The following ABI3BP variants were observed in gnomAD, a reference collection of about 807,000 sequenced individuals.
ABI3BP encodes ABI family member 3 binding protein.
In ABI3BP, 216 loss-of-function variants were observed where a neutral mutation model predicts 268.6. The observed-to-expected ratio is 0.80, with a 90% CI of 0.72 to 0.90. The LOEUF (loss-of-function observed/expected upper bound fraction) is 0.90, where lower values mean the gene tolerates loss of function less well. ABI3BP is among the 40% of genes least tolerant of loss of function. The probability of loss-of-function intolerance (pLI) is 0.00; values close to 1 mark genes in which losing one functional copy is unlikely to be tolerated. For missense variants in ABI3BP, 2,090 were observed against 2,182.4 expected (o/e 0.96, Z 0.84); for synonymous variants, 730 against 730.0 (o/e 1.00, Z 0.00).
chr3:100,794,064 A>G (rs1220324664), intron 54 of ABI3BP, among the ~76,000 whole-genome samples: 1 of 152,066 alleles, frequency 6.6e-6, no homozygotes, highest in Non-Finnish European at 1.5e-5. Context: ...GTAACTTCAA[A>G]GAACCATTTG....
In ABI3BP at chr3:100,812,617, G is replaced by C. The variant is rs1379575734; in HGVS notation, c.3365-94C>G. On this transcript the variant is annotated intron_variant, in intron 45 of 67. Coordinates refer to ENST00000471714, the MANE Select transcript of ABI3BP (RefSeq NM_001375547.2). ...ATCCAGTAAGTGTTCAATGTTAACT[G>C]TTATAGGGTAACAACATTATTAACA... 6 of 711,822 alleles carry C rather than the reference G, an allele frequency of 8.4e-6. No individual in the cohort carries two copies. The East Asian group carries it at 2.0e-4, about 24-fold the overall frequency. 44.1% of individuals were successfully genotyped at this position (711,822 alleles called of 1,614,324 possible).
chr3:100,875,393 A>G (rs2099151240), intron 8 of ABI3BP, 115 bp downstream of exon 8: 1 of 772,356 alleles, frequency 1.3e-6, no homozygotes, highest in South Asian at 1.6e-5. Context: ...AGTGAAAGGA[A>G]GTGAACCACA....
chr3:100,848,756 G>T, intron 18 of ABI3BP, 45 bp downstream of exon 18: 1 of 1,562,760 alleles, frequency 6.4e-7, no homozygotes, highest in Non-Finnish European at 8.8e-7. Context: ...AATGGACATT[G>T]TCTATCTGGA....
chr3:100,765,195 A>C (rs918406545), intron 63 of ABI3BP, among the ~76,000 whole-genome samples: 1 of 152,222 alleles, frequency 6.6e-6, no homozygotes, highest in African/African-American at 2.4e-5. Context: ...ATGAACTAAT[A>C]AAATGTTGGA....
chr3:100,977,968 C>A (rs921721033), intron 1 of ABI3BP, among the ~76,000 whole-genome samples: 2 of 152,092 alleles, frequency 1.3e-5, no homozygotes, highest in African/African-American at 4.8e-5. Flanking sequence ...TTGACCCATC[C>A]TAATTCTTGC....
chr3:100,939,659 G>T (rs1190163821), intron 1 of ABI3BP, among the ~76,000 whole-genome samples: 1 of 152,104 alleles, frequency 6.6e-6, no homozygotes, highest in Non-Finnish European at 1.5e-5. Context: ...GGCAGGGCAA[G>T]ATCACAGAAC....
intron 54 of ABI3BP, among the ~76,000 whole-genome samples, chr3:100,792,977 G>C (rs1031066715): frequency 1.3e-5 from 2 of 151,760 alleles, no homozygotes; most frequent in Non-Finnish European, 2.9e-5. Flanking sequence ...TTATTTTAAT[G>C]ATTGTTATAA....
intron 1 of ABI3BP, among the ~76,000 whole-genome samples, chr3:100,949,300 G>C (rs1426120664): frequency 6.6e-6 from 1 of 152,142 alleles, no homozygotes; most frequent in African/African-American, 2.4e-5. Context: ...CTCTGTCACA[G>C]GCTGGAGTGC....
chr3:100,755,796 GAGTCAGCTA>G (rs2095584102), intron 63 of ABI3BP, among the ~76,000 whole-genome samples: 1 of 152,194 alleles, frequency 6.6e-6, no homozygotes, highest in Admixed American at 6.5e-5. Flanking sequence ...AAGTCAACCT[GAGTCAGCTA>G]ATAATATTTT....
intron 2 of ABI3BP, among the ~76,000 whole-genome samples, chr3:100,917,217 T>C (rs766144643): frequency 2.6e-5 from 4 of 152,164 alleles, no homozygotes; most frequent in Non-Finnish European, 5.9e-5. Context: ...AGGAGCTTAC[T>C]ATTTTGCTGG....
Position 100,939,516 on chromosome 3 carries a change from G to C in ABI3BP, c.80-13035C>G, listed in dbSNP as rs1306344248. ...GACATCACGTGTCGGTAGGTTCTGTGATGCCCCCACAAGCCACAAAGACCA... is the reference window on the plus strand; with the variant it reads ...GACATCACGTGTCGGTAGGTTCTGTCATGCCCCCACAAGCCACAAAGACCA... On this transcript the variant is annotated intron_variant, in intron 1 of 67. Coordinates refer to ENST00000471714, the MANE Select transcript of ABI3BP (RefSeq NM_001375547.2). 1.2e-4 allele frequency among the ~76,000 whole-genome samples: 18 copies of C among 152,074 alleles called. No individual in the cohort carries two copies. In the East Asian group the frequency reaches 3.5e-3, roughly 30 times the overall value.
chr3:100,918,987 G>A (rs1281575636), intron 2 of ABI3BP, among the ~76,000 whole-genome samples: 1 of 152,108 alleles, frequency 6.6e-6, no homozygotes, highest in African/African-American at 2.4e-5. Flanking sequence ...ACCTATCCCT[G>A]CATAACTGCC....
intron 1 of ABI3BP, among the ~76,000 whole-genome samples, chr3:100,978,216 G>T (rs1216697197): frequency 6.6e-6 from 1 of 152,162 alleles, no homozygotes; most frequent in Admixed American, 6.6e-5. Context: ...CATAGCTAAT[G>T]CTCAACAATA....
intron 65 of ABI3BP, among the ~76,000 whole-genome samples, chr3:100,753,294 G>A (rs1466093547): frequency 6.6e-6 from 1 of 151,636 alleles, no homozygotes; most frequent in Non-Finnish European, 1.5e-5. Flanking sequence ...GGAAATGAGG[G>A]TGTTAATATC....
intron 20 of ABI3BP, chr3:100,843,941 T>C: frequency 1.0e-6 from 1 of 985,332 alleles, no homozygotes; most frequent in Non-Finnish European, 1.2e-6. Context: ...AAAATCTGCA[T>C]TTTTGAGTTC....
intron 52 of ABI3BP, among the ~76,000 whole-genome samples, chr3:100,796,107 T>A (rs1335013472): frequency 1.3e-5 from 2 of 152,018 alleles, no homozygotes; most frequent in Non-Finnish European, 2.9e-5. Flanking sequence ...TAAAAGTACA[T>A]CCATAGTTGT....
At chr3:100,991,785 C>A (rs1256674170) in intron 1 of ABI3BP, among the ~76,000 whole-genome samples, 3 of 150,282 alleles carry the variant, frequency 2.0e-5, no homozygotes, top group African/African-American at 7.3e-5. Flanking sequence ...GTTTTTTTTT[C>A]TTTCCCATTA....
intron 1 of ABI3BP, among the ~76,000 whole-genome samples, chr3:100,937,236 T>C (rs1312073519): frequency 6.6e-6 from 1 of 152,068 alleles, no homozygotes; most frequent in Non-Finnish European, 1.5e-5. Context: ...GGAACCTTCA[T>C]ACATTTTGAG....
At chr3:100,818,420 A>G in intron 41 of ABI3BP, 105 bp downstream of exon 41, 1 of 960,180 alleles carries the variant, frequency 1.0e-6, no homozygotes. Flanking sequence ...TAATGGAATG[A>G]TGACAAAGAA....
Sources: allele counts gnomAD v4.1 joint callset (sites outside exome capture counted in the v4.1 genomes callset), GRCh38; gene constraint gnomAD v4.1.1; transcripts MANE v1.5; gene names NCBI Gene and HGNC (gene_info 2026-07-23, HGNC 2026-07-21).